The following TNRC6A variants were observed in gnomAD, a reference collection of about 807,000 sequenced individuals.
The protein encoded by TNRC6A is trinucleotide repeat-containing gene 6A protein.
TNRC6A carries 44 observed loss-of-function variants against 221.2 expected under a neutral mutation model. That is an observed-to-expected ratio of 0.20 (90% CI 0.16 to 0.26). The LOEUF (loss-of-function observed/expected upper bound fraction) is 0.26, where lower values mean the gene tolerates loss of function less well. TNRC6A is among the 10% of genes least tolerant of loss of function. The probability of loss-of-function intolerance (pLI) is 1.00; values close to 1 mark genes in which losing one functional copy is unlikely to be tolerated. For synonymous variants in TNRC6A, 847 were observed against 838.5 expected (o/e 1.01, Z -0.18); for missense variants, 2,199 against 2,404.4 (o/e 0.91, Z 1.79).
At chr16:24,690,358 G>A (rs970329602) in intron 2 of TNRC6A, among the ~76,000 whole-genome samples, 1 of 152,074 alleles carries the variant, frequency 6.6e-6, no homozygotes, top group African/African-American at 2.4e-5. Context: ...ACAAGGAAGG[G>A]AAATTATTTG....
At chr16:24,815,683 G>A (rs966619553) in intron 19 of TNRC6A, 34 of 234,108 alleles carry the variant, frequency 1.5e-4, no homozygotes, top group Non-Finnish European at 2.2e-4. Context: ...GTGAAACCCC[G>A]TCTCTACTAA....
chr16:24,745,795 T>TG (rs2056994145), intron 2 of TNRC6A, among the ~76,000 whole-genome samples: 1 of 118,524 alleles, frequency 8.4e-6, no homozygotes, highest in African/African-American at 3.4e-5. Flanking sequence ...GTATGTACCA[T>TG]CCCCCCCCCC....
intron 2 of TNRC6A, among the ~76,000 whole-genome samples, chr16:24,738,526 T>A (rs2056820993): frequency 6.6e-6 from 1 of 152,232 alleles, no homozygotes; most frequent in South Asian, 2.1e-4. Flanking sequence ...CTATTTTCGT[T>A]TAAGTGGAAT....
intron 2 of TNRC6A, among the ~76,000 whole-genome samples, chr16:24,719,969 T>A (rs566684411): frequency 6.6e-6 from 1 of 152,092 alleles, no homozygotes; most frequent in East Asian, 1.9e-4. Context: ...TTAAGGCAGG[T>A]GCTGGTCAGG....
chr16:24,712,492 T>G (rs1310003686), intron 2 of TNRC6A, among the ~76,000 whole-genome samples: 1 of 152,268 alleles, frequency 6.6e-6, no homozygotes, highest in Admixed American at 6.5e-5. Flanking sequence ...GTATATGTTG[T>G]AAACGCCTCA....
chr16:24,648,916 G>A (rs187446490), intron 2 of TNRC6A, among the ~76,000 whole-genome samples: 1 of 152,150 alleles, frequency 6.6e-6, no homozygotes, highest in African/African-American at 2.4e-5. Context: ...ACCACAGCAA[G>A]TTGCAACTGT....
intron 4 of TNRC6A, among the ~76,000 whole-genome samples, chr16:24,760,207 A>G (rs962588397): frequency 7.0e-4 from 106 of 152,140 alleles, no homozygotes; most frequent in African/African-American, 2.3e-3. Context: ...TAAACCTCTC[A>G]GAGTTCATCC....
intron 2 of TNRC6A, among the ~76,000 whole-genome samples, chr16:24,676,282 T>G (rs754041399): frequency 4.6e-5 from 7 of 151,982 alleles, no homozygotes; most frequent in Non-Finnish European, 8.8e-5. Flanking sequence ...TTTCTTTCAT[T>G]TTTTATTTTA....
chr16:24,651,571 A>G (rs948485100), intron 2 of TNRC6A, among the ~76,000 whole-genome samples: 1 of 146,290 alleles, frequency 6.8e-6, no homozygotes, highest in Admixed American at 6.9e-5. Flanking sequence ...AAAACATAAA[A>G]TAGACACATT....
At chr16:24,628,873 C>T (rs539076602) in intron 1 of TNRC6A, among the ~76,000 whole-genome samples, 1 of 152,012 alleles carries the variant, frequency 6.6e-6, no homozygotes, top group South Asian at 2.1e-4. Flanking sequence ...TTGGAGTTAT[C>T]ATGGGAGACA....
At chr16:24,636,640 G>A (rs1901650334) in intron 1 of TNRC6A, among the ~76,000 whole-genome samples, 1 of 152,066 alleles carries the variant, frequency 6.6e-6, no homozygotes, top group Non-Finnish European at 1.5e-5. Flanking sequence ...TACAGGTAGA[G>A]CCACTAAGCC....
intron 17 of TNRC6A, among the ~76,000 whole-genome samples, 164 bp downstream of exon 17, chr16:24,806,948 C>G (rs1053839025): frequency 1.3e-5 from 2 of 152,104 alleles, no homozygotes; most frequent in African/African-American, 2.4e-5. Flanking sequence ...TTAACCTGCT[C>G]CACATTCAGG....
Position 24,789,565 on chromosome 16 carries a change from G to T in TNRC6A, c.923G>T (p.Ser308Ile). The change falls in exon 6 of 25, where the codon AGT becomes ATT. Residue 308 changes from serine (S) to isoleucine (I), a missense_variant. By Grantham distance (142) the Ser-to-Ile change is moderately radical. Coordinates refer to ENST00000395799, the MANE Select transcript of TNRC6A (RefSeq NM_014494.4). Reference protein sequence around the residue: ...GSSSNNVGHGSSTGPWGFSHG... With the variant: ...GSSSNNVGHGISTGPWGFSHG... The stretch of plus-strand genomic sequence containing the variant: ...AGCAGCAATAATGTGGGCCATGGAA[G>T]TAGTACTGGGCCATGGGGTTTTTCC... 6.2e-7 allele frequency: 1 copy of T among 1,614,142 alleles called. No individual in the cohort carries two copies. The highest frequency in any genetic ancestry group is 8.5e-7 in the Non-Finnish European group (1 of 1,180,034).
intron 2 of TNRC6A, among the ~76,000 whole-genome samples, chr16:24,677,758 T>C (rs1194843911): frequency 1.3e-5 from 2 of 152,194 alleles, no homozygotes; most frequent in Non-Finnish European, 2.9e-5. Context: ...CCTAAAATAG[T>C]GCCTGGTGCA....
intron 2 of TNRC6A, among the ~76,000 whole-genome samples, chr16:24,723,155 T>C (rs921271645): frequency 3.3e-5 from 5 of 152,176 alleles, no homozygotes; most frequent in Admixed American, 3.3e-4. Context: ...TTCATTACAG[T>C]ATCAGATTTT....
At chr16:24,820,470 A>C (rs1596837336) in intron 22 of TNRC6A, 110 bp downstream of exon 22, 1 of 937,752 alleles carries the variant, frequency 1.1e-6, no homozygotes, top group East Asian at 2.6e-5. Flanking sequence ...CCTCACCTCC[A>C]TCAGGGGGAA....
chr16:24,791,363 A>C lies in TNRC6A; in HGVS notation c.2721A>C (p.Ser907=). 1 of 1,594,268 alleles carries C rather than the reference A, an allele frequency of 6.3e-7. No individual in the cohort carries two copies. Among genetic ancestry groups the C allele is most frequent in the Non-Finnish European group, 8.5e-7 (1 of 1,170,382 alleles). ...GAAACAACATAAATCCAAATAATTCATCAGGATGGGATGAATCTTCTAAAC... is the reference window on the plus strand; with the variant it reads ...GAAACAACATAAATCCAAATAATTCCTCAGGATGGGATGAATCTTCTAAAC... The part of the protein sequence containing the change: ...TWGNNINPNN[S]SGWDESSKPT... The change falls in exon 6 of 25, where the codon TCA becomes TCC. Residue 907 remains serine (S), a synonymous_variant. Coordinates refer to ENST00000395799, the MANE Select transcript of TNRC6A (RefSeq NM_014494.4).
At chr16:24,670,228 G>A (rs2055267260) in intron 2 of TNRC6A, among the ~76,000 whole-genome samples, 1 of 152,002 alleles carries the variant, frequency 6.6e-6, no homozygotes, top group African/African-American at 2.4e-5. Context: ...GGGATTACAG[G>A]CGTGAGCCAC....
At chr16:24,636,114 G>T (rs2141713843) in intron 1 of TNRC6A, among the ~76,000 whole-genome samples, 1 of 152,334 alleles carries the variant, frequency 6.6e-6, no homozygotes, top group South Asian at 2.1e-4. Context: ...GGAGGCATGT[G>T]ACGGAAACCG....
Sources: allele counts gnomAD v4.1 joint callset (sites outside exome capture counted in the v4.1 genomes callset), GRCh38; gene constraint gnomAD v4.1.1; transcripts MANE v1.5; gene names NCBI Gene and HGNC (gene_info 2026-07-23, HGNC 2026-07-21).